The following CLSTN2 variants were observed in gnomAD, a reference collection of about 807,000 sequenced individuals.
CLSTN2 encodes calsyntenin-2.
In CLSTN2, 48 loss-of-function variants were observed where a neutral mutation model predicts 101.2. That is an observed-to-expected ratio of 0.47 (90% CI 0.38 to 0.60). The LOEUF is 0.60. Ranked by LOEUF, CLSTN2 falls within the 20% of genes least tolerant of loss-of-function variation. The pLI, the probability that CLSTN2 is intolerant of heterozygous loss-of-function variation, is 0.00. For missense variants in CLSTN2, 1,160 were observed against 1,238.2 expected, an observed-to-expected ratio of 0.94 and a Z score of 0.95; for synonymous variants, 481 against 463.6, an observed-to-expected ratio of 1.04 and a Z score of -0.48.
At chr3:140,274,749 GAAAGGCTGTCAAGGGT>G (rs2086778594) in intron 2 of CLSTN2, among the ~76,000 whole-genome samples, 2 of 152,132 alleles carry the variant, frequency 1.3e-5, no homozygotes, top group South Asian at 4.1e-4. Context: ...GAAGAAAGAG[GAAAGGCTGTCAAGGGT>G]AAAGGCATCA....
intron 5 of CLSTN2, among the ~76,000 whole-genome samples, chr3:140,440,805 C>G (rs866476208): frequency 1.3e-5 from 2 of 152,184 alleles, no homozygotes; most frequent in African/African-American, 4.8e-5. Context: ...GAAGAAACTG[C>G]GGCTCAGAAA....
rs1241408515 is a variant in CLSTN2, at chr3:140,323,723, A to G, written c.233-79906A>G. Among the ~76,000 whole-genome samples, 10 of 152,330 alleles carry G rather than the reference A, an allele frequency of 6.6e-5. No individual in the cohort carries two copies. The East Asian group carries it at 1.5e-3, about 24-fold the overall frequency. On this transcript the variant is annotated intron_variant, in intron 2 of 16. Coordinates refer to ENST00000458420, the MANE Select transcript of CLSTN2 (RefSeq NM_022131.3). ...TCTTGGTTTCACTTTATCAGTTCAG[A>G]TGCTTTCAGCTGCAATTAACAAAGT...
intron 6 of CLSTN2, among the ~76,000 whole-genome samples, chr3:140,459,303 T>G (rs932332436): frequency 1.4e-4 from 21 of 152,340 alleles, no homozygotes; most frequent in Admixed American, 6.5e-4. Context: ...CATGCAGCAC[T>G]TTTGTCTGTA....
intron 1 of CLSTN2, among the ~76,000 whole-genome samples, chr3:139,938,745 C>T (rs75646025): frequency 0.012 from 1,836 of 152,266 alleles, 36 homozygotes; most frequent in African/African-American, 0.04. Context: ...TCAGTGGTCC[C>T]AAGACCTCAA....
At chr3:140,410,837 T>C (rs1293967767) in intron 4 of CLSTN2, among the ~76,000 whole-genome samples, 1 of 152,190 alleles carries the variant, frequency 6.6e-6, no homozygotes, top group Non-Finnish European at 1.5e-5. Context: ...TATGTGCATT[T>C]CATGTTATTT....
intron 8 of CLSTN2, among the ~76,000 whole-genome samples, chr3:140,501,229 G>T (rs547886682): frequency 1.3e-5 from 2 of 152,158 alleles, no homozygotes; most frequent in Admixed American, 1.3e-4. Flanking sequence ...AAATTCCATC[G>T]CTTCCTCATT....
chr3:140,418,631 C>T (rs1450567745), intron 4 of CLSTN2, among the ~76,000 whole-genome samples: 3 of 151,066 alleles, frequency 2.0e-5, no homozygotes, highest in Non-Finnish European at 4.4e-5. Flanking sequence ...GGTTCTCTTG[C>T]CTGAGCCTCC....
intron 5 of CLSTN2, among the ~76,000 whole-genome samples, chr3:140,438,707 A>G (rs529578359): frequency 1.3e-5 from 2 of 152,312 alleles, no homozygotes; most frequent in African/African-American, 4.8e-5. Flanking sequence ...TTTATTGTAC[A>G]TAAGAGAGAA....
chr3:140,085,061 T>G (rs780680938), intron 1 of CLSTN2, among the ~76,000 whole-genome samples: 11 of 152,246 alleles, frequency 7.2e-5, no homozygotes, highest in Non-Finnish European at 1.2e-4. Context: ...GAAATAAAAC[T>G]TTTCTAGGAT....
At chr3:140,269,471 C>T (rs1385441084) in intron 2 of CLSTN2, among the ~76,000 whole-genome samples, 1 of 152,170 alleles carries the variant, frequency 6.6e-6, no homozygotes, top group African/African-American at 2.4e-5. Flanking sequence ...AGTTCAGCGA[C>T]AATCAATGTT....
chr3:139,983,144 A>T (rs1252833243), intron 1 of CLSTN2, among the ~76,000 whole-genome samples: 1 of 151,892 alleles, frequency 6.6e-6, no homozygotes, highest in Non-Finnish European at 1.5e-5. Flanking sequence ...TTTGTCTACT[A>T]TTACTGGAAG....
At chr3:140,556,366 T>A (rs1935790704) in intron 10 of CLSTN2, 147 bp from the exon 11 acceptor site, 1 of 718,644 alleles carries the variant, frequency 1.4e-6, no homozygotes, top group Non-Finnish European at 2.4e-6. Context: ...TTAAACACTA[T>A]CATTTGTACA....
At chr3:140,211,659 T>A (rs575123051) in intron 2 of CLSTN2, among the ~76,000 whole-genome samples, 11 of 151,832 alleles carry the variant, frequency 7.2e-5, no homozygotes, top group Middle Eastern at 3.4e-3. Context: ...CTTTTAGTAC[T>A]AAAATGAAAT....
intron 1 of CLSTN2, among the ~76,000 whole-genome samples, chr3:140,035,451 A>G (rs1288328162): frequency 2.0e-5 from 3 of 152,228 alleles, no homozygotes; most frequent in African/African-American, 7.2e-5. Flanking sequence ...ATAGCAGCCA[A>G]TGTGAGCACA....
intron 1 of CLSTN2, among the ~76,000 whole-genome samples, chr3:139,984,885 C>G (rs931027683): frequency 6.6e-6 from 1 of 152,214 alleles, no homozygotes; most frequent in Non-Finnish European, 1.5e-5. Flanking sequence ...TCTTCCCCTA[C>G]TCCCCACTGC....
intron 2 of CLSTN2, among the ~76,000 whole-genome samples, chr3:140,350,721 A>G (rs933681173): frequency 6.6e-6 from 1 of 152,136 alleles, no homozygotes; most frequent in South Asian, 2.1e-4. Context: ...GCACTTACTT[A>G]TTTTGCTACA....
chr3:140,026,040 G>C (rs1418284706), intron 1 of CLSTN2, among the ~76,000 whole-genome samples: 1 of 152,158 alleles, frequency 6.6e-6, no homozygotes. Flanking sequence ...GTGATGGGGA[G>C]CATTGGCAGG....
In CLSTN2 at chr3:140,135,117, C is replaced by CACACATAT. The variant is rs1488268767; in HGVS notation, c.110-40833_110-40832insCACATATA. 6.0e-3 allele frequency among the ~76,000 whole-genome samples: 347 copies of CACACATAT among 58,030 alleles called. 2 individuals carry two copies. The highest frequency in any genetic ancestry group is 0.013 in the Middle Eastern group (1 of 80). 38.1% of individuals were successfully genotyped at this position (58,030 alleles called of 152,430 possible). ...ACACACACACACACACACACACACA[C>CACACATAT]ATATATATATATATATATATATATA... is the stretch of plus-strand genomic sequence containing the variant. On this transcript the variant is annotated intron_variant, in intron 1 of 16. Coordinates refer to ENST00000458420, the MANE Select transcript of CLSTN2 (RefSeq NM_022131.3).
intron 1 of CLSTN2, among the ~76,000 whole-genome samples, chr3:139,936,516 G>A (rs1576369367): frequency 6.6e-6 from 1 of 152,186 alleles, no homozygotes; most frequent in East Asian, 1.9e-4. Flanking sequence ...AGGGGTACTT[G>A]GTCCCCAAAT....
Sources: allele counts gnomAD v4.1 joint callset (sites outside exome capture counted in the v4.1 genomes callset), GRCh38; gene constraint gnomAD v4.1.1; transcripts MANE v1.5; gene names NCBI Gene and HGNC (gene_info 2026-07-23, HGNC 2026-07-21).